Variants in MGAM observed in about 807,000 individuals in gnomAD.
MGAM encodes the protein maltase-glucoamylase.
A neutral mutation model predicts 358.8 loss-of-function variants in MGAM; 253 were observed. That is an observed-to-expected ratio of 0.71 (90% CI 0.64 to 0.78). The LOEUF (loss-of-function observed/expected upper bound fraction) is 0.78. Ranked by LOEUF, MGAM falls within the 30% of genes least tolerant of loss-of-function variation. The pLI is 0.00. For synonymous variants in MGAM, 1,105 were observed against 1,227.1 expected (o/e 0.90, Z 2.08); for missense variants, 3,080 against 3,432.6 (o/e 0.90, Z 2.57).
chr7:142,072,577 A>G (rs73740269), intron 44 of MGAM, among the ~76,000 whole-genome samples: 14,116 of 146,150 alleles, frequency 0.097, 2,117 homozygotes, highest in African/African-American at 0.23. Context: ...AGTGTTTAGG[A>G]CCATCTAAAT....
intron 30 of MGAM, among the ~76,000 whole-genome samples, chr7:142,057,691 G>A (rs750772099): frequency 1.1e-4 from 16 of 152,136 alleles, no homozygotes; most frequent in Non-Finnish European, 1.3e-4. Context: ...CATGGTGGTC[G>A]TGGCAGCAAC....
At chr7:141,993,985 C>T (rs1418246979), upstream of MGAM, among the ~76,000 whole-genome samples, 1 of 152,184 alleles carries the variant, frequency 6.6e-6, no homozygotes, top group Non-Finnish European at 1.5e-5. Flanking sequence ...AAGTGATTCT[C>T]TTGCCGCAGC....
In MGAM at chr7:142,022,380, C is replaced by T. The variant is rs372197743; in HGVS notation, c.823C>T (p.Arg275Trp). The change falls in exon 7 of 71, where the codon CGG (arginine) becomes TGG (tryptophan). Residue 275 changes from arginine to tryptophan, a missense_variant. Coordinates refer to ENST00000475668, the MANE Select transcript of MGAM (RefSeq NM_001365693.1). The stretch of plus-strand genomic sequence containing the variant: ...GGGAGAGCATGTGCACCAGCAGTAT[C>T]GGCATGATATGAATTGGAAGACCTG... Reference protein sequence around the residue: ...GLGEHVHQQYRHDMNWKTWPI... With the variant: ...GLGEHVHQQYWHDMNWKTWPI... 4.3e-6 allele frequency: 7 copies of T among 1,613,536 alleles called. No individual in the cohort carries two copies. Among genetic ancestry groups the T allele is most frequent in the African/African-American group, 2.7e-5 (2 of 74,876 alleles).
rs546429873 is a variant in MGAM, at chr7:142,099,587, C to T, written c.7750-26C>T. The T allele has an allele frequency of 1.8e-4, 291 of 1,613,732 alleles. 6 individuals are homozygous for T. In the South Asian group the frequency reaches 2.3e-3, roughly 13 times the overall value. On this transcript the variant is annotated intron_variant, in intron 66 of 70. Transcript: ENST00000475668. ...GGGAGGGGCCTGTCCTCTCCTTAGT[C>T]ATCTCTTACCTTCTTCTGCCTCCAG...
intron 65 of MGAM, 136 bp from the exon 66 acceptor site, chr7:142,097,457 C>T: frequency 1.3e-6 from 1 of 783,734 alleles, no homozygotes; most frequent in Non-Finnish European, 2.1e-6. Flanking sequence ...AAGGTTTCCT[C>T]AATAGGTGAC....
Position 142,040,139 on chromosome 7 carries a change from GTGCCTGA to G in MGAM, c.2345_2351del (p.Pro782LeufsTer12). ...GGGTGCAGAGAAAGTGATGGCATATGTGCCTGATGCTGTCTGGTATGACTACGAGACT... is the reference window on the plus strand; with the variant it reads ...GGGTGCAGAGAAAGTGATGGCATATGTGCTGTCTGGTATGACTACGAGACT... On this transcript the variant is annotated frameshift_variant, in exon 20 of 71. Coordinates refer to ENST00000475668, the MANE Select transcript of MGAM (RefSeq NM_001365693.1). LOFTEE classifies it high-confidence loss of function. The G allele has an allele frequency of 3.1e-6, 5 of 1,612,794 alleles. No homozygotes were observed. Among genetic ancestry groups the G allele is most frequent in the Non-Finnish European group, 4.2e-6 (5 of 1,179,226 alleles).
rs10224348 is a variant in MGAM at position 142,027,853 on chromosome 7, A to C, written c.1221+118A>C. On this transcript the variant is annotated intron_variant, in intron 10 of 70. Transcript: ENST00000475668. ...GATTTATTTATTTGGTAATGAAAGG[A>C]GTTTTAGATATTCAGAATACTAGAC... The C allele has an allele frequency of 6.7e-3, 7,791 of 1,160,250 alleles. 396 individuals are homozygous for C. In the African/African-American group the frequency reaches 0.11, roughly 16 times the overall value. 71.9% of individuals were successfully genotyped at this position (1,160,250 alleles called of 1,614,324 possible).
intron 2 of MGAM, 89 bp from the exon 3 acceptor site, chr7:142,008,417 A>G: frequency 7.4e-7 from 1 of 1,355,292 alleles, no homozygotes; most frequent in South Asian, 1.4e-5. Context: ...CCTACTCAGT[A>G]GTGGAGTTAA....
chr7:142,097,523 C>G, intron 65 of MGAM, 70 bp from the exon 66 acceptor site: 1 of 1,454,504 alleles, frequency 6.9e-7, no homozygotes, highest in Non-Finnish European at 9.7e-7. Context: ...TAACCTCTTT[C>G]CTAAGTATTT....
rs1807499777 is a variant in MGAM at position 142,031,613 on chromosome 7, A to G, written c.1471-67A>G. 3.6e-6 allele frequency: 4 copies of G among 1,115,082 alleles called. No individual in the cohort carries two copies. In the Admixed American group the frequency reaches 8.6e-5, roughly 24 times the overall value. 69.1% of individuals were successfully genotyped at this position (1,115,082 alleles called of 1,614,324 possible). A position where few individuals can be genotyped will look rare whatever the true frequency, so the allele number is the denominator to read the frequency against. ...TGATCATATTAGGAATTTCTTTGCA[A>G]AGTACTTTCCTTTAGTCTATATTTG... On this transcript the variant is annotated intron_variant, in intron 12 of 70. Coordinates refer to ENST00000475668, the MANE Select transcript of MGAM (RefSeq NM_001365693.1).
At chr7:142,034,233 C>G (rs781953414) in intron 14 of MGAM, 29 bp from the exon 15 acceptor site, 1 of 1,487,462 alleles carries the variant, frequency 6.7e-7, no homozygotes, top group East Asian at 2.4e-5. Context: ...AACTTAGGCT[C>G]TCACTGATTG....
chr7:142,045,250 T>A (rs543507014), intron 21 of MGAM, among the ~76,000 whole-genome samples: 1 of 92,462 alleles, frequency 1.1e-5, no homozygotes, highest in African/African-American at 4.5e-5. Flanking sequence ...ATATAATATA[T>A]GATATATAAT....
At chr7:142,069,250 C>G (rs1000823090) in intron 43 of MGAM, among the ~76,000 whole-genome samples, 2 of 145,696 alleles carry the variant, frequency 1.4e-5, no homozygotes, top group South Asian at 2.2e-4. Context: ...CCTTGTGTGT[C>G]TAAGTAGTGC....
rs773318610 is a variant in MGAM at position 142,074,086 on chromosome 7, C to A, written c.5188C>A (p.Arg1730=). The A allele has an allele frequency of 2.0e-6, 3 of 1,533,326 alleles. No individual in the cohort carries two copies. Among genetic ancestry groups the A allele is most frequent in the Admixed American group, 1.7e-5 (1 of 58,176 alleles). The allele number at this position is 1,533,326 out of a possible 1,614,324, so 95.0% of individuals were successfully genotyped here. A position where few individuals can be genotyped will look rare whatever the true frequency, so the allele number is the denominator to read the frequency against. ...TCTCTTGAATCTTGTTCCCCACAGT[C>A]GAAAGAACCCTCTTGGTCTTATTAT... ...QEPALNTHLS[R]KNPLGLIIAL... is the part of the protein sequence containing the mutation. The change falls in exon 45 of 71, where the codon CGA becomes AGA. Residue 1730 remains arginine, a splice_region_variant and synonymous_variant. Coordinates refer to ENST00000475668, the MANE Select transcript of MGAM (RefSeq NM_001365693.1).
chr7:142,051,010 T>A, intron 24 of MGAM, 146 bp downstream of exon 24: 1 of 986,862 alleles, frequency 1.0e-6, no homozygotes, highest in Non-Finnish European at 1.5e-6. Flanking sequence ...GGGAAAAAAA[T>A]GAGGTGGCCA....
At chr7:142,104,242 A>G (rs1426555482) in intron 70 of MGAM, among the ~76,000 whole-genome samples, 1 of 152,198 alleles carries the variant, frequency 6.6e-6, no homozygotes, top group African/African-American at 2.4e-5. Context: ...AAGTGATAAT[A>G]TGGAGGAAAA....
At chr7:142,079,239 G>T (rs1351999397) in intron 49 of MGAM, among the ~76,000 whole-genome samples, 4 of 145,868 alleles carry the variant, frequency 2.7e-5, no homozygotes, top group South Asian at 2.2e-4. Flanking sequence ...GCAAGAGTGG[G>T]TACGGAGAGA....
At chr7:142,035,933 A>G (rs1807950455) in intron 16 of MGAM, among the ~76,000 whole-genome samples, 1 of 152,186 alleles carries the variant, frequency 6.6e-6, no homozygotes, top group African/African-American at 2.4e-5. Flanking sequence ...ATACCTGTGT[A>G]GTAATTTAGT....
chr7:142,057,246 G>A (rs1486810097), intron 30 of MGAM, among the ~76,000 whole-genome samples: 1 of 151,792 alleles, frequency 6.6e-6, no homozygotes, highest in East Asian at 1.9e-4. Context: ...GGTGGTGATA[G>A]TGATGTGGGA....
Sources: allele counts gnomAD v4.1 joint callset (sites outside exome capture counted in the v4.1 genomes callset), GRCh38; gene constraint gnomAD v4.1.1; transcripts MANE v1.5; gene names NCBI Gene and HGNC (gene_info 2026-07-23, HGNC 2026-07-21).